Variants in CRLF1 observed in about 807,000 individuals in gnomAD.
CRLF1 encodes cytokine receptor-like factor 1.
Under a neutral mutation model 48.9 loss-of-function variants are expected in CRLF1, and 36 were observed. The ratio of observed to expected loss-of-function variants is 0.74; its 90% CI spans 0.56 to 0.97. The LOEUF is 0.97. CRLF1 is among the 50% of genes least tolerant of loss of function. The probability of loss-of-function intolerance (pLI) is 0.00; values close to 1 mark genes in which losing one functional copy is unlikely to be tolerated. For missense variants in CRLF1, 534 were observed against 575.1 expected (o/e 0.93, Z 0.73); for synonymous variants, 256 against 253.4 (o/e 1.01, Z -0.10).
chr19:18,604,201 C>T (rs542919044), intron 1 of CRLF1, among the ~76,000 whole-genome samples: 2 of 152,298 alleles, frequency 1.3e-5, no homozygotes, highest in South Asian at 2.1e-4. Context: ...CTGCCACACC[C>T]GCCTGGCCTG....
intron 6 of CRLF1, 106 bp from the exon 7 acceptor site, chr19:18,594,540 C>A: frequency 3.5e-6 from 3 of 862,942 alleles, no homozygotes; most frequent in Middle Eastern, 4.0e-4. Context: ...CCTCGGGGAA[C>A]CTCCCTCCCC....
At chr19:18,596,840 G>T (rs755209911) in intron 5 of CRLF1, 50 bp from the exon 6 acceptor site, 6 of 1,612,890 alleles carry the variant, frequency 3.7e-6, no homozygotes, top group Non-Finnish European at 4.2e-6. Context: ...TAGCAGGAGC[G>T]GGGGCGGGGC....
chr19:18,602,264 CCTCT>C (rs1345190906), intron 1 of CRLF1, among the ~76,000 whole-genome samples: 1 of 152,180 alleles, frequency 6.6e-6, no homozygotes, highest in South Asian at 2.1e-4. Flanking sequence ...CCTCCCAATG[CCTCT>C]CTGAGTCTCA....
chr19:18,598,921 C>T lies in CRLF1; in HGVS notation c.398-20G>A. The T allele has an allele frequency of 6.2e-7, 1 of 1,613,086 alleles. No individual in the cohort carries two copies. Among genetic ancestry groups the T allele is most frequent in the Non-Finnish European group, 8.5e-7 (1 of 1,179,652 alleles). On this transcript the variant is annotated intron_variant, in intron 2 of 8. Coordinates refer to ENST00000392386, the MANE Select transcript of CRLF1 (RefSeq NM_004750.5). ...GGGGCACTGGGAGAAGGGGAGGGTG[C>T]AGGAAGCAGGCTGAGGGTCTGGACT...
chr19:18,604,311 C>A (rs8101144), intron 1 of CRLF1, among the ~76,000 whole-genome samples: 39,987 of 152,126 alleles, frequency 0.26, 6,282 homozygotes, highest in Non-Finnish European at 0.35. Context: ...CAAGGCCAGG[C>A]GGGCCTGGAC....
intron 8 of CRLF1, 33 bp downstream of exon 8, chr19:18,594,032 T>TGGGGGGCC: frequency 7.4e-4 from 512 of 695,130 alleles, no homozygotes; most frequent in Non-Finnish European, 9.8e-4. Context: ...CTCCCCTTGC[T>TGGGGGGCC]CCCTCCCGCC....
In CRLF1 at chr19:18,596,943, A is replaced by G; in HGVS notation, c.804T>C (p.Phe268=). The G allele has an allele frequency of 6.2e-7, 1 of 1,614,072 alleles. No individual in the cohort carries two copies. Among genetic ancestry groups the G allele is most frequent in the South Asian group, 1.1e-5 (1 of 91,086 alleles). ...VSPPALKDFL[F]QAKYQIRYRV... ...GGTAGCGGATCTGGTATTTGGCTTG[A>G]AAGAGGAAATCCTTGAGGGCGGGTG... Residue 268 remains phenylalanine, a synonymous_variant, in exon 5 of 9, where the codon TTT becomes TTC. Coordinates refer to ENST00000392386, the MANE Select transcript of CRLF1 (RefSeq NM_004750.5).
At position 18,598,458 on chromosome 19, in the gene CRLF1, A is replaced by G; in HGVS notation, c.671T>C (p.Val224Ala). ...TNRLGSARSD[V>A]LTLDILDVVT... ...CACATCCAGGATATCCAGCGTGAGT[A>G]CATCGGAGCGGGCAGAGCCCAGGCG... The change falls in exon 4 of 9, where the codon GTA becomes GCA. Residue 224 changes from valine to alanine, a missense_variant. By Grantham distance (64) the Val-to-Ala change is moderately conservative. Transcript: ENST00000392386. 1 of 1,614,002 alleles carries G rather than the reference A, an allele frequency of 6.2e-7. No individual in the cohort carries two copies. The highest frequency in any genetic ancestry group is 1.7e-5 in the Admixed American group (1 of 60,024).
At chr19:18,603,365 G>A (rs1421902274) in intron 1 of CRLF1, among the ~76,000 whole-genome samples, 2 of 152,244 alleles carry the variant, frequency 1.3e-5, no homozygotes. Context: ...AGTAAGAGAA[G>A]TAGCTGTGAC....
Sources: gnomAD v4.1 joint callset for allele counts (sites outside exome capture counted in the v4.1 genomes callset) on GRCh38, gnomAD v4.1.1 for gene constraint, MANE v1.5 for transcripts, NCBI Gene and HGNC (gene_info 2026-07-23, HGNC 2026-07-21) for gene names.